NEK7: variants seen among roughly 807,000 people sequenced by gnomAD.
NEK7 encodes the protein NIMA related kinase 7.
NEK7 carries 18 observed loss-of-function variants against 44.6 expected under a neutral mutation model. The ratio of observed to expected loss-of-function variants is 0.40; its 90% CI spans 0.28 to 0.60. NEK7 has a LOEUF of 0.60. Ranked by LOEUF, NEK7 falls within the 20% of genes least tolerant of loss-of-function variation. The probability of loss-of-function intolerance (pLI) is 0.38; values close to 1 mark genes in which losing one functional copy is unlikely to be tolerated. For missense variants in NEK7, 256 were observed against 366.5 expected (o/e 0.70, Z 2.46); for synonymous variants, 130 against 121.1 (o/e 1.07, Z -0.48).
intron 2 of NEK7, among the ~76,000 whole-genome samples, chr1:198,236,941 T>C (rs556356475): frequency 1.3e-5 from 2 of 152,256 alleles, no homozygotes; most frequent in East Asian, 3.9e-4. Flanking sequence ...CATTTCTCCT[T>C]TCTCTCTAAA....
At chr1:198,304,323 C>T (rs1175429699) in intron 9 of NEK7, among the ~76,000 whole-genome samples, 1 of 152,148 alleles carries the variant, frequency 6.6e-6, no homozygotes, top group East Asian at 1.9e-4. Context: ...CCCTTTACCC[C>T]CAATTCAATC....
At chr1:198,219,614 A>G (rs1438196217) in intron 1 of NEK7, among the ~76,000 whole-genome samples, 2 of 151,890 alleles carry the variant, frequency 1.3e-5, no homozygotes, top group Non-Finnish European at 1.5e-5. Flanking sequence ...AGTATATACT[A>G]TTCCGGTGAC....
intron 1 of NEK7, among the ~76,000 whole-genome samples, chr1:198,174,357 C>T (rs1025110457): frequency 7.4e-5 from 11 of 148,324 alleles, no homozygotes; most frequent in African/African-American, 2.5e-4. Flanking sequence ...TTTGCATTGA[C>T]GTTTATGCTT....
chr1:198,230,496 T>C (rs1666355298), intron 1 of NEK7, among the ~76,000 whole-genome samples: 2 of 152,066 alleles, frequency 1.3e-5, no homozygotes, highest in Non-Finnish European at 2.9e-5. Context: ...TTGTAAAAAC[T>C]TCCAGCAAAC....
intron 1 of NEK7, chr1:198,198,031 G>T (rs939896388): frequency 4.6e-6 from 7 of 1,509,514 alleles, no homozygotes; most frequent in South Asian, 4.0e-5. Flanking sequence ...GGGCCCACCT[G>T]GGGGGAAAGC....
At chr1:198,171,188 C>T (rs1664427547) in intron 1 of NEK7, among the ~76,000 whole-genome samples, 1 of 152,082 alleles carries the variant, frequency 6.6e-6, no homozygotes, top group Non-Finnish European at 1.5e-5. Flanking sequence ...GGGCTTATGT[C>T]TTTTTTTAAA....
chr1:198,278,259 CTTGACT>C (rs1454560329), intron 6 of NEK7, among the ~76,000 whole-genome samples, 190 bp downstream of exon 6: 25 of 151,082 alleles, frequency 1.7e-4, no homozygotes, highest in African/African-American at 5.6e-4. Context: ...AATTAATCTG[CTTGACT>C]CTTTTGAGCA....
chr1:198,159,090 A>C (rs945992337), intron 1 of NEK7, among the ~76,000 whole-genome samples: 1 of 152,154 alleles, frequency 6.6e-6, no homozygotes, highest in Admixed American at 6.5e-5. Context: ...ACCCTCCCGG[A>C]GGTGCGGGCC....
intron 1 of NEK7, among the ~76,000 whole-genome samples, chr1:198,190,576 C>T (rs1298595688): frequency 1.3e-5 from 2 of 152,038 alleles, no homozygotes; most frequent in African/African-American, 2.4e-5. Flanking sequence ...AGAGGATACT[C>T]TCTAAAGTCC....
intron 9 of NEK7, among the ~76,000 whole-genome samples, chr1:198,316,246 T>G (rs1166784008): frequency 6.6e-6 from 1 of 152,210 alleles, no homozygotes; most frequent in African/African-American, 2.4e-5. Context: ...CAGTTGTGTG[T>G]GCTTACATTT....
intron 1 of NEK7, among the ~76,000 whole-genome samples, chr1:198,182,006 G>T (rs1664781322): frequency 6.6e-6 from 1 of 151,846 alleles, no homozygotes; most frequent in African/African-American, 2.4e-5. Context: ...TTTTAAAATG[G>T]CTTTATATAC....
intron 3 of NEK7, among the ~76,000 whole-genome samples, chr1:198,256,803 C>T (rs16842621): frequency 0.045 from 6,788 of 152,238 alleles, 563 homozygotes; most frequent in African/African-American, 0.16. Flanking sequence ...AGAGGCTTCA[C>T]AGAGTTCGTG....
chr1:198,224,061 A>G (rs12564979), intron 1 of NEK7, among the ~76,000 whole-genome samples: 78,117 of 152,028 alleles, frequency 0.51, 23,415 homozygotes, highest in East Asian at 0.89. Flanking sequence ...GAAGAATACA[A>G]TGATATGAAA....
In NEK7 at chr1:198,157,711, C is replaced by G. The variant is rs868788564; in HGVS notation, c.-29+435C>G. ...CGTCTGTCAGGATTCGGCAGCAGCC[C>G]GACTTAGGAAAGTGAAGTGCGCTGG... On this transcript the variant is annotated intron_variant, in intron 1 of 9. Transcript: ENST00000367385. Among the ~76,000 whole-genome samples the G allele has an allele frequency of 7.2e-5, 11 of 152,276 alleles. 1 individual carries two copies. The highest frequency in any genetic ancestry group is 4.1e-4 in the South Asian group (2 of 4,828).
chr1:198,187,356 A>G (rs1452715736), intron 1 of NEK7, among the ~76,000 whole-genome samples: 3 of 152,062 alleles, frequency 2.0e-5, no homozygotes, highest in South Asian at 2.1e-4. Flanking sequence ...CCTATATCTC[A>G]TCAGGATTAA....
At chr1:198,215,976 C>A (rs1665907662) in intron 1 of NEK7, among the ~76,000 whole-genome samples, 1 of 152,088 alleles carries the variant, frequency 6.6e-6, no homozygotes, top group Non-Finnish European at 1.5e-5. Context: ...TAACACTCCA[C>A]TGACAGTGCT....
intron 7 of NEK7, 111 bp from the exon 8 acceptor site, chr1:198,292,834 T>G (rs1231085885): frequency 1.4e-6 from 1 of 724,898 alleles, no homozygotes. Context: ...TCGATCCTAA[T>G]GAATTATTTT....
intron 1 of NEK7, among the ~76,000 whole-genome samples, chr1:198,160,191 C>T (rs1395217537): frequency 6.6e-6 from 1 of 152,156 alleles, no homozygotes; most frequent in Non-Finnish European, 1.5e-5. Flanking sequence ...ATGTCGCCAC[C>T]ATTCAGGGTA....
rs141792751 is a variant in NEK7, at chr1:198,233,184, C to T, written c.57+547C>T. ...CTTTAGTGAGCTGATCTTGCCTTGC[C>T]CACAGCTGCCTTCCATGATGGTGAC... is the stretch of plus-strand genomic sequence containing the variant. On this transcript the variant is annotated intron_variant, in intron 2 of 9. Coordinates refer to ENST00000367385, the MANE Select transcript of NEK7 (RefSeq NM_133494.3). Among the ~76,000 whole-genome samples the T allele has an allele frequency of 6.6e-5, 10 of 151,962 alleles. No individual in the cohort carries two copies. The East Asian group carries it at 1.7e-3, about 26-fold the overall frequency.
Sources: allele counts gnomAD v4.1 joint callset (sites outside exome capture counted in the v4.1 genomes callset), GRCh38; gene constraint gnomAD v4.1.1; transcripts MANE v1.5; gene names NCBI Gene and HGNC (gene_info 2026-07-23, HGNC 2026-07-21).